The following TPO variants were observed in gnomAD, a reference collection of about 807,000 sequenced individuals.
TPO encodes thyroid peroxidase, also known as thyroid microsomal antigen.
A neutral mutation model predicts 96.9 loss-of-function variants in TPO; 78 were observed. That is an observed-to-expected ratio of 0.81 (90% CI 0.67 to 0.97). TPO has a LOEUF of 0.97. TPO is among the 50% of genes least tolerant of loss of function. The pLI is 0.00. For synonymous variants in TPO, 547 were observed against 538.0 expected, an observed-to-expected ratio of 1.02 and a Z score of -0.23; for missense variants, 1,252 against 1,274.8, an observed-to-expected ratio of 0.98 and a Z score of 0.27.
At chr2:1,455,987 C>G (rs1667746842) in intron 6 of TPO, 89 bp from the exon 7 acceptor site, 3 of 1,346,582 alleles carry the variant, frequency 2.2e-6, no homozygotes. Context: ...GAACAAGAAC[C>G]ACACCAGGAA....
intron 13 of TPO, among the ~76,000 whole-genome samples, chr2:1,500,298 CT>C (rs397732736): frequency 2.6e-5 from 4 of 152,130 alleles, no homozygotes; most frequent in South Asian, 4.2e-4. Context: ...CAATACAACT[CT>C]TTTTTTTGTT....
chr2:1,381,215 G>A (rs1661804799), intron 1 of TPO, among the ~76,000 whole-genome samples: 1 of 152,170 alleles, frequency 6.6e-6, no homozygotes, highest in African/African-American at 2.4e-5. Flanking sequence ...TATCATCAGA[G>A]TGAACAGGCA....
chr2:1,397,576 T>C lies in TPO; in HGVS notation n.180+23174T>C, dbSNP rs1304015044. 2.0e-5 allele frequency among the ~76,000 whole-genome samples: 3 copies of C among 152,310 alleles called. No individual in the cohort carries two copies. The East Asian group carries it at 5.8e-4, about 29-fold the overall frequency. ...ATAGCCAGCTCTCGGCCCTCTGCTG[T>C]TCCTGAGTCTGAGGAAAAGCACAGA... On this transcript the variant is annotated intron_variant and non_coding_transcript_variant, in intron 1 of 5. Transcript: ENST00000497517.
In TPO at chr2:1,517,283, T is replaced by C. The variant is rs368942961; in HGVS notation, c.2618+301T>C. Among the ~76,000 whole-genome samples the C allele has an allele frequency of 1.2e-4, 19 of 152,346 alleles. No homozygotes were observed. In the South Asian group the frequency reaches 3.5e-3, roughly 28 times the overall value. On this transcript the variant is annotated intron_variant, in intron 15 of 16. Coordinates refer to ENST00000329066, the MANE Select transcript of TPO (RefSeq NM_001206744.2). ...TAAATGATTGCATTGAAGTAGTCTC[T>C]TGTTAGGAGTAAAGATTCTTACAAA...
intron 1 of TPO, among the ~76,000 whole-genome samples, chr2:1,385,083 T>C (rs1661869634): frequency 6.6e-6 from 1 of 152,176 alleles, no homozygotes; most frequent in South Asian, 2.1e-4. Context: ...TGGATAAGCT[T>C]TTTGATGTGC....
intron 5 of TPO, among the ~76,000 whole-genome samples, chr2:1,444,286 A>G (rs1453844943): frequency 1.4e-4 from 18 of 129,478 alleles, no homozygotes; most frequent in African/African-American, 4.5e-4. Context: ...AGGAGGTACC[A>G]TGTTGGAAGG....
chr2:1,494,135 G>T, intron 11 of TPO, 96 bp downstream of exon 11: 1 of 1,230,270 alleles, frequency 8.1e-7, no homozygotes, highest in Non-Finnish European at 1.2e-6. Flanking sequence ...TTCACATTCC[G>T]GCTCCACCAT....
chr2:1,453,701 C>A lies in TPO; in HGVS notation c.490C>A (p.Pro164Thr), dbSNP rs1436990277. The A allele has an allele frequency of 6.2e-7, 1 of 1,613,986 alleles. No homozygotes were observed. Among genetic ancestry groups the A allele is most frequent in the Non-Finnish European group, 8.5e-7 (1 of 1,180,040 alleles). The change falls in exon 6 of 17, where the codon CCC becomes ACC. Residue 164 changes from proline (P) to threonine (T), a missense_variant. By Grantham distance (38) the Pro-to-Thr change is conservative (BLOSUM62 -1). Coordinates refer to ENST00000329066, the MANE Select transcript of TPO (RefSeq NM_001206744.2). The part of the protein sequence containing the change: ...ITGACNNRDH[P>T]RWGASNTALA... ...TTGCATTTGTCTCCACAGAGACCAC[C>A]CCAGATGGGGCGCCTCCAACACGGC...
At chr2:1,408,337 A>G (rs2148385230) in intron 1 of TPO, among the ~76,000 whole-genome samples, 2 of 152,318 alleles carry the variant, frequency 1.3e-5, no homozygotes, top group African/African-American at 4.8e-5. Flanking sequence ...GAAGTAGTTA[A>G]CTGTGGTCAT....
intron 1 of TPO, among the ~76,000 whole-genome samples, chr2:1,385,263 G>A (rs1207982037): frequency 2.6e-5 from 4 of 152,108 alleles, no homozygotes; most frequent in Admixed American, 2.6e-4. Context: ...TGTATTGATT[G>A]GAATAGTTTC....
At chr2:1,504,959 C>T (rs543401351) in intron 14 of TPO, among the ~76,000 whole-genome samples, 35 of 152,266 alleles carry the variant, frequency 2.3e-4, no homozygotes, top group African/African-American at 8.2e-4. Flanking sequence ...GTAGCTGGGA[C>T]GTCCAGCCAG....
At position 1,484,941 on chromosome 2, in the gene TPO, T is replaced by C. The variant is rs140382650; in HGVS notation, c.1597+87T>C. 4,839 of 1,570,944 alleles carry C rather than the reference T, an allele frequency of 3.1e-3. 110 individuals carry two copies. In the African/African-American group the frequency reaches 0.055, roughly 18 times the overall value. Reference sequence around the variant, plus strand: ...TTAAATTATATTTTAAGTTCTAGGGTACATGTGCACAACGTGCAGGTTTGT... The same window carrying C: ...TTAAATTATATTTTAAGTTCTAGGGCACATGTGCACAACGTGCAGGTTTGT... On this transcript the variant is annotated intron_variant, in intron 9 of 16. Coordinates refer to ENST00000329066, the MANE Select transcript of TPO (RefSeq NM_001206744.2).
chr2:1,413,334 C>G (rs554010704), upstream of TPO: 1 of 152,078 alleles, frequency 6.6e-6, no homozygotes, highest in Non-Finnish European at 1.5e-5. Context: ...ACAAGAGGCC[C>G]GGCGCAAACA....
At chr2:1,506,935 T>C (rs1673528813) in intron 14 of TPO, among the ~76,000 whole-genome samples, 1 of 152,036 alleles carries the variant, frequency 6.6e-6, no homozygotes, top group Admixed American at 6.6e-5. Context: ...TTGCTTTTGG[T>C]GTTTTAGACA....
Position 1,489,685 on chromosome 2 carries a change from T to TGAA in TPO, c.1768+1694_1768+1695insGAA, listed in dbSNP as rs1671532854. 4.2e-5 allele frequency among the ~76,000 whole-genome samples: 4 copies of TGAA among 95,106 alleles called. No homozygotes were observed. In the South Asian group the frequency reaches 1.2e-3, roughly 29 times the overall value. The allele number at this position is 95,106 out of a possible 152,430, so 62.4% of individuals were successfully genotyped here. On this transcript the variant is annotated intron_variant, in intron 10 of 16. Coordinates refer to ENST00000329066, the MANE Select transcript of TPO (RefSeq NM_001206744.2). Reference sequence around the variant, plus strand: ...GAATGAATGAATGAATGAATGAATGTTTGGGCAAATAAACGCTGACAAGGA... The same window carrying TGAA: ...GAATGAATGAATGAATGAATGAATGTGAATTGGGCAAATAAACGCTGACAAGGA...
At chr2:1,421,681 C>T (rs988974825) in intron 2 of TPO, among the ~76,000 whole-genome samples, 2 of 152,174 alleles carry the variant, frequency 1.3e-5, no homozygotes, top group Admixed American at 1.3e-4. Context: ...TTCCAGGTGT[C>T]TTATATCTCA....
intron 3 of TPO, among the ~76,000 whole-genome samples, chr2:1,428,962 T>C (rs1391529417): frequency 6.6e-6 from 1 of 152,164 alleles, no homozygotes; most frequent in Admixed American, 6.5e-5. Flanking sequence ...AATGTGTTAG[T>C]TGTAAGTAGC....
chr2:1,537,606 C>G (rs1473923111), intron 15 of TPO, among the ~76,000 whole-genome samples: 2 of 103,564 alleles, frequency 1.9e-5, no homozygotes, highest in African/African-American at 3.7e-5. Flanking sequence ...TGTGTGCAAA[C>G]TCCTCAAATC....
rs1358565957 is a variant in TPO, at chr2:1,524,930, A to G, written c.2618+7948A>G. 1.2e-4 allele frequency among the ~76,000 whole-genome samples: 10 copies of G among 84,430 alleles called. 1 individual carries two copies. The highest frequency in any genetic ancestry group is 4.1e-4 in the South Asian group (1 of 2,420). The allele number at this position is 84,430 out of a possible 152,430, so 55.4% of individuals were successfully genotyped here. On this transcript the variant is annotated intron_variant, in intron 15 of 16. Transcript: ENST00000329066. The stretch of plus-strand genomic sequence containing the variant: ...CCTCAAATCTCCCCCGCTGTGTGCA[A>G]CCTCCTCAAATCCCGACTCTGTGCA...
Sources: allele counts gnomAD v4.1 joint callset (sites outside exome capture counted in the v4.1 genomes callset), GRCh38; gene constraint gnomAD v4.1.1; transcripts MANE v1.5; gene names NCBI Gene and HGNC (gene_info 2026-07-23, HGNC 2026-07-21).